ART1: variants seen among roughly 807,000 people sequenced by gnomAD.
ART1 encodes ADP-ribosyltransferase 1.
In ART1, 29 loss-of-function variants were observed where a neutral mutation model predicts 27.0. That is an observed-to-expected ratio of 1.08 (90% CI 0.80 to 1.47). The LOEUF (loss-of-function observed/expected upper bound fraction) is 1.47. Among genes scored for constraint, ART1 ranks in the 40% most tolerant of loss-of-function variants. ART1 has a pLI of 0.00. For missense variants in ART1, 480 were observed against 423.0 expected (o/e 1.13, Z -1.18); for synonymous variants, 201 against 172.2 (o/e 1.17, Z -1.31).
At chr11:3,645,459 C>T (rs2077464441) in intron 1 of ART1, among the ~76,000 whole-genome samples, 1 of 152,068 alleles carries the variant, frequency 6.6e-6, no homozygotes, top group African/African-American at 2.4e-5. Flanking sequence ...AGGACAGAAG[C>T]GCAGCTCCCT....
rs1015858003 is a variant in ART1 at position 3,659,772 on chromosome 11, C to T, written c.253C>T (p.Gln85Ter). The T allele has an allele frequency of 1.9e-6, 3 of 1,613,750 alleles. No homozygotes were observed. The highest frequency in any genetic ancestry group is 2.5e-6 in the Non-Finnish European group (3 of 1,179,896). ...AGACAGCTGGACACTGGCAAGCAGCCAATGGCAGGAGCGTCAGGCCAGGTG... is the reference window on the plus strand; with the variant it reads ...AGACAGCTGGACACTGGCAAGCAGCTAATGGCAGGAGCGTCAGGCCAGGTG... ...YADSWTLASS[Q>*]WQERQARWPE... Residue 85 changes from glutamine to a stop codon, truncating the protein, a stop_gained, in exon 3 of 5, where the codon CAA becomes TAA. Transcript: ENST00000250693. LOFTEE classifies it high-confidence loss of function.
chr11:3,646,462 G>A (rs61878500), intron 1 of ART1, among the ~76,000 whole-genome samples: 25,296 of 152,128 alleles, frequency 0.17, 2,777 homozygotes, highest in African/African-American at 0.31. Flanking sequence ...GGTTTATCAC[G>A]TGAGACTTGC....
In ART1 at chr11:3,659,208, A is replaced by C. The variant is rs775148717; in HGVS notation, c.-6A>C. ...AAGAGACAGCAACTGGCCCAGGGTCACCAGCATGCAGATGCCTGCTATGAT... is the reference window on the plus strand; with the variant it reads ...AAGAGACAGCAACTGGCCCAGGGTCCCCAGCATGCAGATGCCTGCTATGAT... On this transcript the variant is annotated 5_prime_UTR_variant, in exon 2 of 5. Transcript: ENST00000250693. 5.0e-6 allele frequency: 8 copies of C among 1,614,130 alleles called. No individual in the cohort carries two copies. Among genetic ancestry groups the C allele is most frequent in the Non-Finnish European group, 6.8e-6 (8 of 1,179,972 alleles).
chr11:3,660,924 C>T (rs752871517), intron 3 of ART1, among the ~76,000 whole-genome samples: 7 of 152,156 alleles, frequency 4.6e-5, no homozygotes, highest in African/African-American at 1.7e-4. Context: ...GTTCATGTCC[C>T]CAGCACAGGC....
intron 3 of ART1, 31 bp from the exon 4 acceptor site, chr11:3,661,341 C>A (rs747042344): frequency 6.2e-7 from 1 of 1,604,562 alleles, no homozygotes; most frequent in South Asian, 1.1e-5. Context: ...AGCTCCTGAG[C>A]CTTTCATTCT....
chr11:3,650,763 T>C (rs944313828), intron 1 of ART1, among the ~76,000 whole-genome samples: 4 of 151,278 alleles, frequency 2.6e-5, no homozygotes, highest in African/African-American at 9.7e-5. Flanking sequence ...CCACACCTCA[T>C]TGCCACCTTT....
At chr11:3,648,799 A>C (rs2077490000) in intron 1 of ART1, among the ~76,000 whole-genome samples, 1 of 150,310 alleles carries the variant, frequency 6.7e-6, no homozygotes, top group South Asian at 2.1e-4. Context: ...AAGTACCCCA[A>C]CCCCTTTTCT....
chr11:3,650,206 C>G (rs1179201520), intron 1 of ART1, among the ~76,000 whole-genome samples: 1 of 152,172 alleles, frequency 6.6e-6, no homozygotes, highest in African/African-American at 2.4e-5. Context: ...CAGGAGCTTG[C>G]TACAAGTGCC....
intron 1 of ART1, among the ~76,000 whole-genome samples, chr11:3,653,486 C>A (rs546574612): frequency 6.0e-5 from 9 of 150,656 alleles, no homozygotes; most frequent in Admixed American, 2.0e-4. Flanking sequence ...TGTAATTTTC[C>A]TTTATCTACC....
chr11:3,649,519 G>C (rs973805486), intron 1 of ART1, among the ~76,000 whole-genome samples: 1 of 152,026 alleles, frequency 6.6e-6, no homozygotes, highest in Non-Finnish European at 1.5e-5. Flanking sequence ...CCCAAGTGTC[G>C]CTGAGTCTTT....
At chr11:3,649,447 G>T (rs955237038) in intron 1 of ART1, among the ~76,000 whole-genome samples, 4 of 151,796 alleles carry the variant, frequency 2.6e-5, no homozygotes, top group East Asian at 3.9e-4. Context: ...CCTAGTCTCT[G>T]CCCAATGCAA....
chr11:3,658,483 T>C (rs1317739994), intron 1 of ART1, among the ~76,000 whole-genome samples: 3 of 152,196 alleles, frequency 2.0e-5, no homozygotes, highest in East Asian at 1.9e-4. Flanking sequence ...TGGTTCCTGC[T>C]GCTTCTCTTA....
At chr11:3,651,318 GC>G (rs1459763556) in intron 1 of ART1, among the ~76,000 whole-genome samples, 1 of 150,992 alleles carries the variant, frequency 6.6e-6, no homozygotes, top group Non-Finnish European at 1.5e-5. Flanking sequence ...TTCACAGACA[GC>G]CCCCATTACT....
rs1327032101 is a variant in ART1, at chr11:3,659,970, T to G, written c.451T>G (p.Phe151Val). 3.7e-6 allele frequency: 6 copies of G among 1,614,012 alleles called. No individual in the cohort carries two copies. The highest frequency in any genetic ancestry group is 2.2e-5 in the East Asian group (1 of 44,866). The change falls in exon 3 of 5, where the codon TTC becomes GTC. Residue 151 changes from phenylalanine to valine, a missense_variant. Physicochemically the swap from Phe to Val is conservative, Grantham distance 50. Transcript: ENST00000250693. ...SRAHYLHHFS[F>V]KTLHFLLTEA... ...GGCCCACTACCTCCACCACTTCTCC[T>G]TCAAGACACTCCATTTCCTGCTGAC...
chr11:3,663,076 A>ATCTCATCTCATCTCATCTCATCTCATC (rs1554883212), intron 4 of ART1, among the ~76,000 whole-genome samples: 37 of 74,644 alleles, frequency 5.0e-4, no homozygotes, highest in Non-Finnish European at 7.7e-4. Flanking sequence ...ATCTCATCTC[A>ATCTCATCTCATCTCATCTCATCTCATC]TCATCTCATC....
At chr11:3,652,348 C>T (rs1029549218) in intron 1 of ART1, among the ~76,000 whole-genome samples, 1 of 149,094 alleles carries the variant, frequency 6.7e-6, no homozygotes, top group African/African-American at 2.6e-5. Flanking sequence ...ACAGACCAGC[C>T]TTTACTAGTC....
At chr11:3,656,255 C>T (rs1378882859) in intron 1 of ART1, among the ~76,000 whole-genome samples, 4 of 152,080 alleles carry the variant, frequency 2.6e-5, no homozygotes, top group Non-Finnish European at 5.9e-5. Context: ...GTTTTCATAG[C>T]TCACTGCAGA....
intron 1 of ART1, among the ~76,000 whole-genome samples, chr11:3,656,158 T>C (rs1476149309): frequency 6.6e-6 from 1 of 151,924 alleles, no homozygotes; most frequent in Non-Finnish European, 1.5e-5. Flanking sequence ...GGTTTCAAAC[T>C]CCTGACCTCA....
chr11:3,652,616 A>G (rs979365670), intron 1 of ART1, among the ~76,000 whole-genome samples: 1 of 152,140 alleles, frequency 6.6e-6, no homozygotes, highest in Admixed American at 6.5e-5. Context: ...ATTAGGCCCC[A>G]GTCTAATTCC....
Sources: allele counts gnomAD v4.1 joint callset (sites outside exome capture counted in the v4.1 genomes callset), GRCh38; gene constraint gnomAD v4.1.1; transcripts MANE v1.5; gene names NCBI Gene and HGNC (gene_info 2026-07-23, HGNC 2026-07-21).